Variants in TANK observed in about 807,000 individuals in gnomAD.
TANK encodes TRAF family member associated NFKB activator, also known as TRAF family member-associated NF-kappa-B activator.
A neutral mutation model predicts 43.6 loss-of-function variants in TANK; 15 were observed. The observed-to-expected ratio is 0.34, with a 90% CI of 0.23 to 0.53. TANK has a LOEUF of 0.53. Ranked by LOEUF, TANK falls within the 20% of genes least tolerant of loss-of-function variation. The pLI, the probability that TANK is intolerant of heterozygous loss-of-function variation, is 0.94. For missense variants in TANK, 417 were observed against 498.6 expected (o/e 0.84, Z 1.56); for synonymous variants, 162 against 178.2 (o/e 0.91, Z 0.73).
Position 161,173,479 on chromosome 2 carries a change from G to A in TANK, c.-49-6135G>A, listed in dbSNP as rs145807077. Among the ~76,000 whole-genome samples the A allele has an allele frequency of 1.9e-3, 289 of 152,010 alleles. 1 individual carries two copies. The highest frequency in any genetic ancestry group is 6.6e-3 in the African/African-American group (274 of 41,458). On this transcript the variant is annotated intron_variant, in intron 1 of 7. Coordinates refer to ENST00000392749, the MANE Select transcript of TANK (RefSeq NM_001199135.3). ...CCTTATTTTGATTGTTCCTTCTATT[G>A]AGCCTTTATCTTGTTTATACCTTTT...
intron 6 of TANK, 115 bp from the exon 7 acceptor site, chr2:161,230,856 C>CA: frequency 1.2e-6 from 1 of 812,866 alleles, no homozygotes. Context: ...CAGTTGTCTT[C>CA]ATTTGCTATA....
chr2:161,139,397 C>A (rs967772802), intron 1 of TANK, among the ~76,000 whole-genome samples: 3 of 152,158 alleles, frequency 2.0e-5, no homozygotes, highest in Admixed American at 2.0e-4. Flanking sequence ...ATAGAGACTT[C>A]ATGTTAAACT....
At chr2:161,143,639 C>A (rs1683816220) in intron 1 of TANK, among the ~76,000 whole-genome samples, 2 of 151,930 alleles carry the variant, frequency 1.3e-5, no homozygotes, top group South Asian at 2.1e-4. Flanking sequence ...GTATGTTGAA[C>A]CAACCTTGCG....
intron 1 of TANK, chr2:161,161,533 TC>T (rs1684435786): frequency 2.8e-5 from 41 of 1,455,536 alleles, no homozygotes; most frequent in Non-Finnish European, 3.5e-5. Context: ...CTCAGTCCTC[TC>T]CCCAGTTGTA....
chr2:161,145,056 C>T (rs969059673), intron 1 of TANK, among the ~76,000 whole-genome samples: 5 of 145,622 alleles, frequency 3.4e-5, no homozygotes, highest in Non-Finnish European at 7.5e-5. Context: ...ATGTAATGCT[C>T]TTCTTTGTCT....
At chr2:161,235,215 A>G in intron 7 of TANK, 127 bp from the exon 8 acceptor site, 1 of 763,888 alleles carries the variant, frequency 1.3e-6, no homozygotes, top group Non-Finnish European at 2.0e-6. Context: ...CGGAAAAGTA[A>G]TTTGCTTTTA....
At chr2:161,156,156 T>C, upstream of TANK, 1 of 985,452 alleles carries the variant, frequency 1.0e-6, no homozygotes, top group Non-Finnish European at 1.2e-6. Flanking sequence ...AGGAAGAAGT[T>C]GGGGCATAAT....
At chr2:161,187,267 AAAAC>A (rs1294286322) in intron 2 of TANK, among the ~76,000 whole-genome samples, 1 of 152,088 alleles carries the variant, frequency 6.6e-6, no homozygotes, top group African/African-American at 2.4e-5. Flanking sequence ...TCTGTACAAA[AAAAC>A]AAAAACAAAA....
intron 2 of TANK, among the ~76,000 whole-genome samples, chr2:161,183,373 T>A (rs1286168354): frequency 6.6e-6 from 1 of 152,152 alleles, no homozygotes; most frequent in Non-Finnish European, 1.5e-5. Flanking sequence ...TTTTTTCAGT[T>A]CAGGTTTAAG....
intron 4 of TANK, among the ~76,000 whole-genome samples, chr2:161,206,443 T>G (rs142157318): frequency 0.015 from 2,218 of 152,268 alleles, 53 homozygotes; most frequent in African/African-American, 0.051. Context: ...TTAGGGTTAT[T>G]CAGTTACTGA....
In TANK at chr2:161,218,029, A is replaced by G. The variant is rs529250005; in HGVS notation, c.328-5886A>G. Among the ~76,000 whole-genome samples, 13 of 151,126 alleles carry G rather than the reference A, an allele frequency of 8.6e-5. No homozygotes were observed. In the East Asian group the frequency reaches 2.5e-3, roughly 29 times the overall value. ...TTCTATGCCAAGTTTGAGAAATACT[A>G]TGAAATTTTGTCAAAGAAAATACTG... On this transcript the variant is annotated intron_variant, in intron 4 of 7. Transcript: ENST00000392749.
intron 1 of TANK, among the ~76,000 whole-genome samples, chr2:161,168,387 A>AAATTTCCAAGAACTGAAGGAGG (rs1684788944): frequency 6.6e-6 from 1 of 152,168 alleles, no homozygotes; most frequent in Non-Finnish European, 1.5e-5. Context: ...ATTTTCAAGA[A>AAATTTCCAAGAACTGAAGGAGG]AATTTCCAAG....
chr2:161,149,825 G>C (rs755004936), intron 1 of TANK, among the ~76,000 whole-genome samples: 5 of 151,912 alleles, frequency 3.3e-5, no homozygotes, highest in Admixed American at 6.6e-5. Flanking sequence ...TTGCGTTACA[G>C]GGATAAATCA....
intron 1 of TANK, among the ~76,000 whole-genome samples, chr2:161,146,530 G>A (rs1169985362): frequency 1.3e-5 from 2 of 152,134 alleles, no homozygotes; most frequent in Admixed American, 1.3e-4. Flanking sequence ...TGCTGTTGTT[G>A]TTGCTGTCTG....
chr2:161,180,796 A>G (rs1015709078), intron 2 of TANK, among the ~76,000 whole-genome samples: 1 of 152,150 alleles, frequency 6.6e-6, no homozygotes, highest in Non-Finnish European at 1.5e-5. Flanking sequence ...GGAGGAGTCT[A>G]GAGGAATCCA....
At chr2:161,166,739 T>C (rs1179524735) in intron 1 of TANK, among the ~76,000 whole-genome samples, 1 of 151,874 alleles carries the variant, frequency 6.6e-6, no homozygotes, top group Admixed American at 6.6e-5. Flanking sequence ...TGGGCTATGA[T>C]TGCACCGCCA....
At position 161,231,229 on chromosome 2, in the gene TANK, C is replaced by T. The variant is rs747552964; in HGVS notation, c.779C>T (p.Thr260Met). The T allele has an allele frequency of 2.2e-5, 35 of 1,613,908 alleles. No individual in the cohort carries two copies. The highest frequency in any genetic ancestry group is 4.0e-5 in the African/African-American group (3 of 74,926). The part of the protein sequence containing the change: ...PERPGILSPA[T>M]SEAVCQEKFN... ...AGACCCGGCATCCTTAGTCCTGCCA[C>T]GTCTGAGGCAGTGTGCCAAGAGAAA... Residue 260 changes from threonine (T) to methionine (M), a missense_variant, in exon 7 of 8, where the codon ACG becomes ATG. Coordinates refer to ENST00000392749, the MANE Select transcript of TANK (RefSeq NM_001199135.3).
chr2:161,223,593 G>A (rs1179521817), intron 4 of TANK: 1 of 176,728 alleles, frequency 5.7e-6, no homozygotes, highest in Admixed American at 6.2e-5. Context: ...AGCGTATGAG[G>A]TGCTTGGTGA....
intron 2 of TANK, chr2:161,180,000 G>T (rs757262925): frequency 3.4e-6 from 4 of 1,181,840 alleles, no homozygotes; most frequent in African/African-American, 1.6e-5. Flanking sequence ...GTGAAAGATT[G>T]TGAATGTTGT....
Sources: gnomAD v4.1 joint callset for allele counts (sites outside exome capture counted in the v4.1 genomes callset) on GRCh38, gnomAD v4.1.1 for gene constraint, MANE v1.5 for transcripts, NCBI Gene and HGNC (gene_info 2026-07-23, HGNC 2026-07-21) for gene names.